DPT: variants seen among roughly 807,000 people sequenced by gnomAD.
DPT encodes the protein dermatopontin.
A neutral mutation model predicts 31.2 loss-of-function variants in DPT; 21 were observed. The observed-to-expected ratio is 0.67, with a 90% CI of 0.48 to 0.97. DPT has a LOEUF of 0.97. Ranked by LOEUF, DPT falls within the 50% of genes least tolerant of loss-of-function variation. The pLI, the probability that DPT is intolerant of heterozygous loss-of-function variation, is 0.00. For synonymous variants in DPT, 91 were observed against 86.9 expected, an observed-to-expected ratio of 1.05 and a Z score of -0.26; for missense variants, 262 against 258.8, an observed-to-expected ratio of 1.01 and a Z score of -0.08.
chr1:168,711,177 ATTT>A lies in DPT; in HGVS notation c.431+3041_431+3043del, dbSNP rs60428485. Among the ~76,000 whole-genome samples the A allele has an allele frequency of 9.0e-3, 1,311 of 145,852 alleles. 15 individuals are homozygous for A. The highest frequency in any genetic ancestry group is 0.028 in the African/African-American group (1,105 of 39,530). ...AGGTGCCTGCCACCAAGCCTGGCTAATTTTTTTTTTTTTTTGTATTTTTAGTAG... is the reference window on the plus strand; with the variant it reads ...AGGTGCCTGCCACCAAGCCTGGCTAATTTTTTTTTTTTGTATTTTTAGTAG... On this transcript the variant is annotated intron_variant, in intron 2 of 3. Coordinates refer to ENST00000367817, the MANE Select transcript of DPT (RefSeq NM_001937.5).
chr1:168,699,242 T>C (rs1649532252), intron 3 of DPT, among the ~76,000 whole-genome samples: 2 of 152,172 alleles, frequency 1.3e-5, no homozygotes, highest in Admixed American at 1.3e-4. Context: ...GCACCCCTGT[T>C]ATTTCGTTTT....
In DPT at chr1:168,729,059, A is replaced by T; in HGVS notation, c.116T>A (p.Val39Glu). 2 of 1,614,038 alleles carry T rather than the reference A, an allele frequency of 1.2e-6. No homozygotes were observed. The highest frequency in any genetic ancestry group is 1.7e-6 in the Non-Finnish European group (2 of 1,180,012). Reference protein sequence around the residue: ...QYHDYSDDGWVNLNRQGFSYQ... With the variant: ...QYHDYSDDGWENLNRQGFSYQ... ...GCTGAAGCCTTGCCGGTTCAAATTC[A>T]CCCACCCATCATCGCTGTAGTCATG... Residue 39 changes from valine to glutamate, a missense_variant, in exon 1 of 4, where the codon GTG becomes GAG. Coordinates refer to ENST00000367817, the MANE Select transcript of DPT (RefSeq NM_001937.5).
At chr1:168,704,153 G>T (rs1389791217) in intron 2 of DPT, among the ~76,000 whole-genome samples, 1 of 151,828 alleles carries the variant, frequency 6.6e-6, no homozygotes, top group African/African-American at 2.4e-5. Flanking sequence ...CGGTGTGGTT[G>T]CAGCTTCCTT....
intron 1 of DPT, among the ~76,000 whole-genome samples, chr1:168,727,963 C>A (rs1650286882): frequency 6.6e-6 from 1 of 152,146 alleles, no homozygotes; most frequent in African/African-American, 2.4e-5. Context: ...TGGACTGCCT[C>A]CTCCGTTCTC....
chr1:168,704,012 G>A (rs909493750), intron 2 of DPT, among the ~76,000 whole-genome samples: 1 of 152,182 alleles, frequency 6.6e-6, no homozygotes, highest in Non-Finnish European at 1.5e-5. Context: ...GAATTTAAAC[G>A]TTCAGAACTA....
intron 2 of DPT, among the ~76,000 whole-genome samples, chr1:168,712,853 A>T (rs1649897166): frequency 6.6e-6 from 1 of 152,184 alleles, no homozygotes; most frequent in African/African-American, 2.4e-5. Flanking sequence ...AATTCTCTGC[A>T]AACTATTGTA....
At chr1:168,706,847 C>A (rs753494652) in intron 2 of DPT, among the ~76,000 whole-genome samples, 14 of 152,204 alleles carry the variant, frequency 9.2e-5, no homozygotes, top group Non-Finnish European at 1.9e-4. Flanking sequence ...AAGCCCAGGG[C>A]TAGTCAGTAA....
intron 2 of DPT, among the ~76,000 whole-genome samples, chr1:168,703,591 T>C (rs1362047351): frequency 6.6e-6 from 1 of 152,236 alleles, no homozygotes; most frequent in African/African-American, 2.4e-5. Flanking sequence ...GTACTTTTTC[T>C]TCTTGGTCCC....
chr1:168,698,502 C>T (rs1237378898), intron 3 of DPT, among the ~76,000 whole-genome samples: 1 of 152,144 alleles, frequency 6.6e-6, no homozygotes, highest in Non-Finnish European at 1.5e-5. Flanking sequence ...TTTTAGAAGG[C>T]TATTAATTGA....
chr1:168,698,983 T>C (rs1659587671), intron 3 of DPT, among the ~76,000 whole-genome samples: 1 of 152,196 alleles, frequency 6.6e-6, no homozygotes, highest in Admixed American at 6.5e-5. Context: ...GGGAGGATAC[T>C]CATTTTAAAT....
At chr1:168,715,736 T>A (rs879731689) in intron 1 of DPT, among the ~76,000 whole-genome samples, 2 of 152,238 alleles carry the variant, frequency 1.3e-5, no homozygotes, top group Non-Finnish European at 2.9e-5. Context: ...ATGGGTATGG[T>A]GAGCCATGGC....
chr1:168,705,623 T>C (rs1649703357), intron 2 of DPT, among the ~76,000 whole-genome samples: 1 of 152,262 alleles, frequency 6.6e-6, no homozygotes, highest in Non-Finnish European at 1.5e-5. Flanking sequence ...AACAACATTT[T>C]AGAGAAGCTT....
At chr1:168,710,596 C>A (rs899953344) in intron 2 of DPT, among the ~76,000 whole-genome samples, 1 of 152,152 alleles carries the variant, frequency 6.6e-6, no homozygotes, top group Non-Finnish European at 1.5e-5. Context: ...AACATTGAGA[C>A]TTTGTTCCTA....
intron 1 of DPT, among the ~76,000 whole-genome samples, chr1:168,725,603 C>A (rs773613555): frequency 6.6e-6 from 1 of 152,094 alleles, no homozygotes; most frequent in Non-Finnish European, 1.5e-5. Flanking sequence ...CTCATGGGGA[C>A]CCAGGTAAGG....
At position 168,729,041 on chromosome 1, in the gene DPT, C is replaced by G; in HGVS notation, c.134G>C (p.Gly45Ala). 1.2e-6 allele frequency: 2 copies of G among 1,614,210 alleles called. No homozygotes were observed. Among genetic ancestry groups the G allele is most frequent in the East Asian group, 2.2e-5 (1 of 44,878 alleles). Residue 45 changes from glycine (G) to alanine (A), a missense_variant, in exon 1 of 4, where the codon GGC becomes GCC. Gly to Ala is a moderately conservative substitution (Grantham distance 60). Transcript: ENST00000367817. Reference sequence around the variant, plus strand: ...CCCCTGGGGACACTGGTAGCTGAAGCCTTGCCGGTTCAAATTCACCCACCC... The same window carrying G: ...CCCCTGGGGACACTGGTAGCTGAAGGCTTGCCGGTTCAAATTCACCCACCC... ...DDGWVNLNRQ[G>A]FSYQCPQGQV...
At chr1:168,699,677 A>G (rs1397024014) in intron 3 of DPT, among the ~76,000 whole-genome samples, 1 of 151,988 alleles carries the variant, frequency 6.6e-6, no homozygotes. Context: ...AAACACAGAC[A>G]CACACCAAAG....
intron 1 of DPT, 83 bp downstream of exon 1, chr1:168,728,787 T>A: frequency 6.6e-7 from 1 of 1,524,738 alleles, no homozygotes; most frequent in East Asian, 2.3e-5. Flanking sequence ...TTACTGATAT[T>A]CCTTGAGAGT....
intron 1 of DPT, among the ~76,000 whole-genome samples, chr1:168,725,908 C>T (rs1262988955): frequency 6.6e-6 from 1 of 152,190 alleles, no homozygotes; most frequent in Non-Finnish European, 1.5e-5. Flanking sequence ...CAACTGTTCC[C>T]TGAGAACAGA....
At chr1:168,711,877 G>A (rs1308775908) in intron 2 of DPT, among the ~76,000 whole-genome samples, 2 of 152,182 alleles carry the variant, frequency 1.3e-5, no homozygotes, top group Non-Finnish European at 2.9e-5. Context: ...CAAATGTTAT[G>A]TGCCTGTCAT....
Sources: allele counts gnomAD v4.1 joint callset (sites outside exome capture counted in the v4.1 genomes callset), GRCh38; gene constraint gnomAD v4.1.1; transcripts MANE v1.5; gene names NCBI Gene and HGNC (gene_info 2026-07-23, HGNC 2026-07-21).